The following EPM2A variants were observed in gnomAD, a reference collection of about 807,000 sequenced individuals.
EPM2A encodes the protein laforin.
Under a neutral mutation model 26.5 loss-of-function variants are expected in EPM2A, and 21 were observed. The observed-to-expected ratio is 0.79, with a 90% CI of 0.56 to 1.14. The LOEUF is 1.14. Ranked by LOEUF, EPM2A falls within the 50% of genes most tolerant of loss-of-function variation. The pLI, the probability that EPM2A is intolerant of heterozygous loss-of-function variation, is 0.00. For missense variants in EPM2A, 458 were observed against 440.8 expected, an observed-to-expected ratio of 1.04 and a Z score of -0.35; for synonymous variants, 217 against 177.6, an observed-to-expected ratio of 1.22 and a Z score of -1.76.
At chr6:145,646,981 C>A (rs1315070828) in intron 2 of EPM2A, among the ~76,000 whole-genome samples, 1 of 152,150 alleles carries the variant, frequency 6.6e-6, no homozygotes, top group African/African-American at 2.4e-5. Flanking sequence ...CCATAAAAGT[C>A]AATTCCCTAA....
chr6:145,388,251 T>G (rs560210405), intron 4 of EPM2A, among the ~76,000 whole-genome samples: 6 of 152,270 alleles, frequency 3.9e-5, no homozygotes, highest in African/African-American at 1.4e-4. Flanking sequence ...AAAAGCTAAG[T>G]TCTCAAAACA....
intron 4 of EPM2A, among the ~76,000 whole-genome samples, chr6:145,450,332 G>T (rs1315439955): frequency 8.0e-6 from 1 of 125,116 alleles, no homozygotes; most frequent in African/African-American, 3.0e-5. Context: ...CAGCCTGGGA[G>T]ACAGTGAGAC....
At chr6:145,677,540 T>C (rs947927796) in intron 2 of EPM2A, among the ~76,000 whole-genome samples, 5 of 152,190 alleles carry the variant, frequency 3.3e-5, no homozygotes, top group South Asian at 4.1e-4. Flanking sequence ...AACCCCATCA[T>C]CTCAGCCCAA....
At chr6:145,619,390 A>C (rs1775583016) in intron 2 of EPM2A, among the ~76,000 whole-genome samples, 1 of 152,240 alleles carries the variant, frequency 6.6e-6, no homozygotes, top group Non-Finnish European at 1.5e-5. Flanking sequence ...ACAGAAATTC[A>C]CCTGCAACAA....
intron 4 of EPM2A, among the ~76,000 whole-genome samples, chr6:145,439,596 T>C (rs559838128): frequency 1.3e-5 from 2 of 152,244 alleles, no homozygotes; most frequent in Non-Finnish European, 2.9e-5. Flanking sequence ...ATATGCTTGT[T>C]GGCCGCATGT....
intron 2 of EPM2A, among the ~76,000 whole-genome samples, chr6:145,541,902 T>C (rs567743254): frequency 6.6e-6 from 1 of 152,216 alleles, no homozygotes; most frequent in East Asian, 1.9e-4. Flanking sequence ...CCAAGTAATA[T>C]GTCGATTTTT....
intron 4 of EPM2A, among the ~76,000 whole-genome samples, chr6:145,435,116 C>A (rs536117259): frequency 6.6e-6 from 1 of 152,096 alleles, no homozygotes; most frequent in South Asian, 2.1e-4. Flanking sequence ...GAAGCATGAG[C>A]CAATTAAACT....
intron 2 of EPM2A, among the ~76,000 whole-genome samples, chr6:145,611,974 C>T (rs537000568): frequency 5.3e-5 from 8 of 152,244 alleles, no homozygotes; most frequent in African/African-American, 1.9e-4. Flanking sequence ...ATCAAGTCAA[C>T]ATATAGGCAT....
intron 4 of EPM2A, among the ~76,000 whole-genome samples, chr6:145,432,423 C>T (rs553342755): frequency 6.6e-6 from 1 of 152,018 alleles, no homozygotes; most frequent in African/African-American, 2.4e-5. Flanking sequence ...GGCATGAAAA[C>T]CACATTAATT....
downstream of EPM2A, among the ~76,000 whole-genome samples, chr6:145,623,331 A>C (rs1265338373): frequency 6.6e-6 from 1 of 152,214 alleles, no homozygotes; most frequent in Non-Finnish European, 1.5e-5. Flanking sequence ...CTGAGATTGG[A>C]TCAGGCCATC....
intron 4 of EPM2A, among the ~76,000 whole-genome samples, chr6:145,467,941 T>C (rs1366490076): frequency 6.6e-6 from 1 of 152,080 alleles, no homozygotes; most frequent in African/African-American, 2.4e-5. Context: ...TTTTCCTTAG[T>C]TTTAATAGTT....
intron 2 of EPM2A, among the ~76,000 whole-genome samples, chr6:145,586,356 A>G (rs1404229374): frequency 6.6e-6 from 1 of 152,106 alleles, no homozygotes; most frequent in Non-Finnish European, 1.5e-5. Flanking sequence ...TTTTTTTATC[A>G]TTATGACCTT....
intron 4 of EPM2A, among the ~76,000 whole-genome samples, chr6:145,433,951 A>G (rs1158313373): frequency 6.6e-6 from 1 of 152,084 alleles, no homozygotes; most frequent in Non-Finnish European, 1.5e-5. Flanking sequence ...TGTTATTATT[A>G]TTACTATTAG....
At chr6:145,424,865 C>T (rs62437930) in intron 4 of EPM2A, among the ~76,000 whole-genome samples, 1 of 152,178 alleles carries the variant, frequency 6.6e-6, no homozygotes, top group African/African-American at 2.4e-5. Context: ...TTCCTAGTAA[C>T]CCCCTAGAAC....
chr6:145,590,663 G>A (rs186672754), intron 2 of EPM2A, among the ~76,000 whole-genome samples: 40 of 152,234 alleles, frequency 2.6e-4, no homozygotes, highest in African/African-American at 8.4e-4. Context: ...GATAACAGGA[G>A]AGACCAGAAC....
intron 4 of EPM2A, among the ~76,000 whole-genome samples, chr6:145,486,958 G>T (rs1257115540): frequency 6.6e-6 from 1 of 151,868 alleles, no homozygotes; most frequent in African/African-American, 2.4e-5. Flanking sequence ...ATTAAGCCTA[G>T]TATCCATTAG....
intron 2 of EPM2A, among the ~76,000 whole-genome samples, chr6:145,509,245 G>A (rs1054356905): frequency 2.0e-5 from 3 of 152,088 alleles, no homozygotes; most frequent in Admixed American, 1.3e-4. Context: ...GAGAAGTCCT[G>A]AGAGTTGCTA....
intron 2 of EPM2A, among the ~76,000 whole-genome samples, chr6:145,663,218 A>G (rs1778865374): frequency 6.6e-6 from 1 of 152,198 alleles, no homozygotes; most frequent in Non-Finnish European, 1.5e-5. Context: ...AATGGAAATG[A>G]TAGCAAATAC....
intron 2 of EPM2A, among the ~76,000 whole-genome samples, chr6:145,564,926 C>A (rs933354089): frequency 1.2e-4 from 19 of 152,074 alleles, no homozygotes; most frequent in Non-Finnish European, 2.4e-4. Flanking sequence ...CTGTTTGTAC[C>A]ACTGCTCCTG....
Sources: allele counts gnomAD v4.1 joint callset (sites outside exome capture counted in the v4.1 genomes callset), GRCh38; gene constraint gnomAD v4.1.1; transcripts MANE v1.5; gene names NCBI Gene and HGNC (gene_info 2026-07-23, HGNC 2026-07-21).